Variants in A2ML1 observed in about 807,000 individuals in gnomAD.
A2ML1 encodes the protein alpha-2-macroglobulin-like protein 1.
Under a neutral mutation model 181.9 loss-of-function variants are expected in A2ML1, and 161 were observed. That is an observed-to-expected ratio of 0.89 (90% CI 0.78 to 1.01). The LOEUF is 1.01. Ranked by LOEUF, A2ML1 falls within the 50% of genes least tolerant of loss-of-function variation. A2ML1 has a pLI of 0.00. For synonymous variants in A2ML1, 663 were observed against 666.8 expected, an observed-to-expected ratio of 0.99 and a Z score of 0.09; for missense variants, 1,670 against 1,768.1, an observed-to-expected ratio of 0.94 and a Z score of 1.00.
At chr12:8,835,031 G>C (rs1195415651) in intron 5 of A2ML1, 3 of 330,864 alleles carry the variant, frequency 9.1e-6, no homozygotes, top group African/African-American at 2.1e-5. Context: ...CAACAGGTAC[G>C]TGATAACATA....
chr12:8,838,671 G>A (rs1943366392), intron 9 of A2ML1, among the ~76,000 whole-genome samples: 1 of 151,832 alleles, frequency 6.6e-6, no homozygotes, highest in African/African-American at 2.4e-5. Flanking sequence ...CCAGCACTTT[G>A]GGAGGCCGAG....
chr12:8,833,061 C>T (rs561011819), intron 4 of A2ML1, among the ~76,000 whole-genome samples: 2 of 151,466 alleles, frequency 1.3e-5, no homozygotes, highest in Non-Finnish European at 2.9e-5. Flanking sequence ...GCAACCTCCC[C>T]CTCCTGGGTT....
Position 8,823,736 on chromosome 12 carries a change from GT to G in A2ML1, c.264del (p.Gly89AlafsTer26), listed in dbSNP as rs1406832991. On this transcript the variant is annotated frameshift_variant, in exon 3 of 36. Coordinates refer to ENST00000299698, the MANE Select transcript of A2ML1 (RefSeq NM_144670.6). LOFTEE classifies it high-confidence loss of function. Reference sequence around the variant, plus strand: ...CTTGGTCAGGTACCACCTCCTGCTGGTGGCACAGAAGAAGTGGCCACAATCC... The same window carrying G: ...CTTGGTCAGGTACCACCTCCTGCTGGGGCACAGAAGAAGTGGCCACAATCC... ...CISFLVPPPAGGTEEVATIRV... is the reference protein window; with the variant it reads ...CISFLVPPPAXGTEEVATIRV... 6.2e-7 allele frequency: 1 copy of G among 1,613,944 alleles called. No homozygotes were observed. The highest frequency in any genetic ancestry group is 8.5e-7 in the Non-Finnish European group (1 of 1,179,954).
chr12:8,885,550 C>G (rs1272634222), intron 7 of A2ML1, among the ~76,000 whole-genome samples: 1 of 152,016 alleles, frequency 6.6e-6, no homozygotes, highest in Non-Finnish European at 1.5e-5. Context: ...TTCTGCTTCC[C>G]GGGCTCAAGC....
At chr12:8,861,368 T>C in intron 28 of A2ML1, 71 bp downstream of exon 28, 2 of 1,533,220 alleles carry the variant, frequency 1.3e-6, no homozygotes, top group Admixed American at 3.4e-5. Flanking sequence ...ATCTCCCTAG[T>C]AACCTCTGTC....
At chr12:8,824,221 GGTT>G (rs1304937456) in intron 3 of A2ML1, among the ~76,000 whole-genome samples, 10 of 136,384 alleles carry the variant, frequency 7.3e-5, no homozygotes, top group Admixed American at 1.5e-4. Context: ...GAGCTACTGG[GGTT>G]TTTTTTTTTT....
At position 8,857,199 on chromosome 12, in the gene A2ML1, G is replaced by A; in HGVS notation, c.2884G>A (p.Gly962Ser). The change falls in exon 24 of 36, where the codon GGT becomes AGT. Residue 962 changes from glycine to serine, a missense_variant. By Grantham distance (56) the Gly-to-Ser change is moderately conservative (BLOSUM62 0). Coordinates refer to ENST00000299698, the MANE Select transcript of A2ML1 (RefSeq NM_144670.6). ...GGGCACAGCCCTGCAGAACCTGGAT[G>A]GTCTGGTGCAGATGCCCAGTGGCTG... is the stretch of plus-strand genomic sequence containing the variant. ...IMGTALQNLD[G>S]LVQMPSGCGE... is the part of the protein sequence containing the mutation. 5 of 1,612,750 alleles carry A rather than the reference G, an allele frequency of 3.1e-6. No individual in the cohort carries two copies. The highest frequency in any genetic ancestry group is 4.2e-6 in the Non-Finnish European group (5 of 1,180,002).
chr12:8,825,706 T>C (rs1942906525), intron 3 of A2ML1, among the ~76,000 whole-genome samples: 1 of 151,172 alleles, frequency 6.6e-6, no homozygotes, highest in Non-Finnish European at 1.5e-5. Context: ...AGTTTTCTTA[T>C]ATATAATAGT....
chr12:8,845,987 A>G, intron 13 of A2ML1, 90 bp from the exon 14 acceptor site: 1 of 1,472,934 alleles, frequency 6.8e-7, no homozygotes, highest in South Asian at 1.2e-5. Flanking sequence ...TGGTGCCTGC[A>G]CTGGCTCAGT....
chr12:8,838,197 T>G, intron 8 of A2ML1, 139 bp from the exon 9 acceptor site: 1 of 557,188 alleles, frequency 1.8e-6, no homozygotes, highest in Admixed American at 3.2e-5. Flanking sequence ...GTATACTTCA[T>G]GTTGTAGGAG....
intron 7 of A2ML1, among the ~76,000 whole-genome samples, chr12:8,885,872 T>C (rs1944916536): frequency 6.6e-6 from 1 of 152,202 alleles, no homozygotes; most frequent in South Asian, 2.1e-4. Context: ...GCTCAGATCA[T>C]CTATTGAAAG....
chr12:8,845,266 C>G, intron 12 of A2ML1, 176 bp from the exon 13 acceptor site: 4 of 1,481,216 alleles, frequency 2.7e-6, no homozygotes, highest in Non-Finnish European at 3.7e-6. Context: ...CACCAGGACC[C>G]GTTGGCAGCA....
intron 21 of A2ML1, 33 bp from the exon 22 acceptor site, chr12:8,854,747 T>C: frequency 6.2e-7 from 1 of 1,613,298 alleles, no homozygotes; most frequent in Non-Finnish European, 8.5e-7. Context: ...TGTTCATCTT[T>C]GTTGTTTTTA....
intron 3 of A2ML1, 118 bp downstream of exon 3, chr12:8,824,000 G>C (rs1169589096): frequency 3.4e-6 from 4 of 1,184,964 alleles, no homozygotes; most frequent in East Asian, 4.8e-5. Flanking sequence ...CAGAGGAGAG[G>C]AAAATCTGGG....
chr12:8,844,962 G>A (rs1943616966), intron 12 of A2ML1: 2 of 1,344,256 alleles, frequency 1.5e-6, no homozygotes, highest in Non-Finnish European at 1.9e-6. Flanking sequence ...GAGTGGACGG[G>A]AAGGGGGAGT....
chr12:8,847,416 AAAGATAAGTAC>A (rs1286901934), intron 14 of A2ML1, 122 bp from the exon 15 acceptor site: 63 of 1,132,230 alleles, frequency 5.6e-5, no homozygotes, highest in Non-Finnish European at 7.6e-5. Flanking sequence ...CTTTACAAAG[AAAGATAAGTAC>A]AAAAGTGAAA....
At position 8,868,020 on chromosome 12, in the gene A2ML1, C is replaced by T. The variant is rs372660550; in HGVS notation, c.3896C>T (p.Thr1299Met). Reference protein sequence around the residue: ...DTLPNVPGMYTLEASGQGCVY... With the variant: ...DTLPNVPGMYMLEASGQGCVY... The stretch of plus-strand genomic sequence containing the variant: ...CTGCCCAATGTCCCTGGAATGTACA[C>T]GTTGGAGGCCTCAGGCCAGGGCTGT... Residue 1299 changes from threonine (T) to methionine (M), a missense_variant, in exon 30 of 36, where the codon ACG (threonine) becomes ATG (methionine). Thr to Met is a moderately conservative substitution (Grantham distance 81, BLOSUM62 -1). Transcript: ENST00000299698. 1.1e-5 allele frequency: 18 copies of T among 1,614,124 alleles called. No individual in the cohort carries two copies. The highest frequency in any genetic ancestry group is 1.6e-4 in the Middle Eastern group (1 of 6,084).
chr12:8,839,659 TCTC>T (rs1272640307), intron 10 of A2ML1, among the ~76,000 whole-genome samples: 1 of 152,204 alleles, frequency 6.6e-6, no homozygotes, highest in Admixed American at 6.6e-5. Context: ...TCCAGCCTGG[TCTC>T]CTGCATCTAG....
In A2ML1 at chr12:8,835,576, T is replaced by C; in HGVS notation, c.553T>C (p.Phe185Leu). ...TGAGCAAGGCATTGTAGACCTGTCC[T>C]TCCAACTGGCACCAGAGGCAATGCT... Reference protein sequence around the residue: ...VPEQGIVDLSFQLAPEAMLGT... With the variant: ...VPEQGIVDLSLQLAPEAMLGT... The change falls in exon 6 of 36, where the codon TTC becomes CTC. Residue 185 changes from phenylalanine (F) to leucine (L), a missense_variant. Transcript: ENST00000299698. 1 of 1,614,206 alleles carries C rather than the reference T, an allele frequency of 6.2e-7. No homozygotes were observed. The highest frequency in any genetic ancestry group is 8.5e-7 in the Non-Finnish European group (1 of 1,180,040).
Sources: allele counts gnomAD v4.1 joint callset (sites outside exome capture counted in the v4.1 genomes callset), GRCh38; gene constraint gnomAD v4.1.1; transcripts MANE v1.5; gene names NCBI Gene and HGNC (gene_info 2026-07-23, HGNC 2026-07-21).